Variants in UBP1 observed in about 807,000 individuals in gnomAD.
The protein encoded by UBP1 is upstream-binding protein 1.
A neutral mutation model predicts 76.1 loss-of-function variants in UBP1; 22 were observed. The ratio of observed to expected loss-of-function variants is 0.29; its 90% confidence interval spans 0.21 to 0.41. The LOEUF is 0.41. Among genes scored for constraint, UBP1 ranks in the 10% least tolerant of loss-of-function variants. The pLI, the probability that UBP1 is intolerant of heterozygous loss-of-function variation, is 1.00. For missense variants in UBP1, 436 were observed against 668.1 expected (o/e 0.65, Z 3.83); for synonymous variants, 224 against 237.1 (o/e 0.94, Z 0.51).
In UBP1 at chr3:33,400,123, T is replaced by G. The variant is rs2044165566; in HGVS notation, c.1180+66A>C. 6.3e-6 allele frequency: 7 copies of G among 1,103,246 alleles called. No individual in the cohort carries two copies. In the East Asian group the frequency reaches 1.8e-4, roughly 28 times the overall value. 68.3% of individuals were successfully genotyped at this position (1,103,246 alleles called of 1,614,324 possible). Reference sequence around the variant, plus strand: ...ATTTCAAAATTTTAAAAATATAAAGTTAATAAAAGCACAGAAACAAAAACA... The same window carrying G: ...ATTTCAAAATTTTAAAAATATAAAGGTAATAAAAGCACAGAAACAAAAACA... On this transcript the variant is annotated intron_variant, in intron 11 of 15. Transcript: ENST00000283629.
chr3:33,424,607 CA>C (rs1559689671), intron 2 of UBP1, among the ~76,000 whole-genome samples: 1 of 152,122 alleles, frequency 6.6e-6, no homozygotes, highest in African/African-American at 2.4e-5. Context: ...TAAAAATGTT[CA>C]AAAAATTGTT....
At chr3:33,407,272 G>T (rs1265449271) in intron 8 of UBP1, among the ~76,000 whole-genome samples, 1 of 152,110 alleles carries the variant, frequency 6.6e-6, no homozygotes, top group Non-Finnish European at 1.5e-5. Context: ...GAATCATTAA[G>T]AATTTACCAA....
In UBP1 at chr3:33,440,056, G is replaced by A. The variant is rs1480123732; in HGVS notation, c.-208C>T. ...GCGAGCAATTGCAGCGGGAGCGGCC[G>A]GGCCGCCGGCAGCGCCACCCTCCCG... On this transcript the variant is annotated 5_prime_UTR_variant, in exon 1 of 16. Transcript: ENST00000283629. The A allele has an allele frequency of 2.9e-5, 14 of 483,966 alleles. No homozygotes were observed. The highest frequency in any genetic ancestry group is 4.4e-5 in the Admixed American group (1 of 22,504). The allele number at this position is 483,966 out of a possible 1,614,324, so 30.0% of individuals were successfully genotyped here. A position where few individuals can be genotyped will look rare whatever the true frequency, so the allele number is the denominator to read the frequency against.
At chr3:33,425,341 T>C (rs1257899026) in intron 2 of UBP1, among the ~76,000 whole-genome samples, 2 of 152,196 alleles carry the variant, frequency 1.3e-5, no homozygotes, top group Non-Finnish European at 2.9e-5. Flanking sequence ...TACTTGCTAG[T>C]CCTTTGGATT....
chr3:33,425,641 T>G lies in UBP1; in HGVS notation c.214A>C (p.Thr72Pro), dbSNP rs765755048. 1.3e-6 allele frequency: 2 copies of G among 1,599,876 alleles called. No homozygotes were observed. The highest frequency in any genetic ancestry group is 1.7e-6 in the Non-Finnish European group (2 of 1,169,172). ...TCATGCAGTTTTACTGCTGGTGACG[T>G]TGCAGCACACATCACATACTGAAAG... Reference protein sequence around the residue: ...PPFQYVMCAATSPAVKLHDET... With the variant: ...PPFQYVMCAAPSPAVKLHDET... Residue 72 changes from threonine to proline, a missense_variant, in exon 2 of 16, where the codon ACG becomes CCG. Physicochemically the swap from Thr to Pro is conservative, Grantham distance 38 (BLOSUM62 -1). Around this residue, in one of 3 missense-constraint regions of UBP1, gnomAD observed 161 missense variants for 237.9 expected, o/e 0.68. Transcript: ENST00000283629.
chr3:33,431,653 T>C lies in UBP1; in HGVS notation c.114-5912A>G, dbSNP rs575653208. 3.9e-5 allele frequency among the ~76,000 whole-genome samples: 6 copies of C among 151,918 alleles called. No individual in the cohort carries two copies. In the East Asian group the frequency reaches 7.7e-4, roughly 20 times the overall value. On this transcript the variant is annotated intron_variant, in intron 1 of 15. Transcript: ENST00000283629. ...TACTCAGGAGGCTGAAGCAGGAGAA[T>C]TGCTTGAATCTGGAAGGCAGAGGTT...
chr3:33,395,199 C>A (rs2043926897), intron 13 of UBP1, among the ~76,000 whole-genome samples: 1 of 152,062 alleles, frequency 6.6e-6, no homozygotes, highest in East Asian at 1.9e-4. Context: ...CAAAATAATA[C>A]CAAATAGAAA....
In UBP1 at chr3:33,399,217, CCATGTTACTAGGTGGT is replaced by C. The variant is rs1035781301; in HGVS notation, c.1180+956_1180+971del. On this transcript the variant is annotated intron_variant, in intron 11 of 15. Transcript: ENST00000283629. The stretch of plus-strand genomic sequence containing the variant: ...GCACTTCTCAGGATGTTTGGCCAGG[CCATGTTACTAGGTGGT>C]CATGTTGGAAAAGAGTCCCAGAGCC... 1.2e-4 allele frequency among the ~76,000 whole-genome samples: 19 copies of C among 152,280 alleles called. 1 individual carries two copies. The highest frequency in any genetic ancestry group is 1.1e-3 in the Admixed American group (17 of 15,292).
Position 33,398,438 on chromosome 3 carries a change from AC to A in UBP1, c.1181-1304del, listed in dbSNP as rs2044092391. On this transcript the variant is annotated intron_variant, in intron 11 of 15. Coordinates refer to ENST00000283629, the MANE Select transcript of UBP1 (RefSeq NM_014517.5). Reference sequence around the variant, plus strand: ...TTACTACATGCACCTCACAGTTGTGACCAGAGAGTACTGTGTATGTGTGTGC... The same window carrying A: ...TTACTACATGCACCTCACAGTTGTGACAGAGAGTACTGTGTATGTGTGTGC... 2.6e-5 allele frequency: 4 copies of A among 152,338 alleles called. No individual in the cohort carries two copies. The South Asian group carries it at 8.3e-4, about 32-fold the overall frequency. 9.4% of individuals were successfully genotyped at this position (152,338 alleles called of 1,614,324 possible). A position where few individuals can be genotyped will look rare whatever the true frequency, so the allele number is the denominator to read the frequency against.
chr3:33,409,618 G>A lies in UBP1; in HGVS notation c.556-17C>T. On this transcript the variant is annotated splice_polypyrimidine_tract_variant and intron_variant, in intron 5 of 15. Coordinates refer to ENST00000283629, the MANE Select transcript of UBP1 (RefSeq NM_014517.5). ...GCAGTGTACCTATAAAACGATTCAG[G>A]CTGAAATGGATTCAAAGAACTTCCA... The A allele has an allele frequency of 1.2e-6, 2 of 1,613,948 alleles. No homozygotes were observed. The highest frequency in any genetic ancestry group is 1.7e-6 in the Non-Finnish European group (2 of 1,179,922).
At chr3:33,392,805 A>AT in intron 14 of UBP1, 191 bp from the exon 15 acceptor site, 1 of 536,382 alleles carries the variant, frequency 1.9e-6, no homozygotes, top group Non-Finnish European at 3.2e-6. Context: ...ATGCCTGTCC[A>AT]TAATGGTCCC....
chr3:33,438,025 G>A (rs2045229927), intron 1 of UBP1, among the ~76,000 whole-genome samples: 1 of 151,994 alleles, frequency 6.6e-6, no homozygotes, highest in Non-Finnish European at 1.5e-5. Context: ...AAGAATTCAA[G>A]GGAAAATTAT....
At chr3:33,403,422 C>A (rs959761813) in intron 8 of UBP1, 2 of 174,804 alleles carry the variant, frequency 1.1e-5, no homozygotes, top group Non-Finnish European at 2.4e-5. Context: ...GGTTAATAAT[C>A]CTCAAGACAG....
At position 33,425,671 on chromosome 3, in the gene UBP1, G is replaced by A; in HGVS notation, c.184C>T (p.Pro62Ser). 1 of 1,603,446 alleles carries A rather than the reference G, an allele frequency of 6.2e-7. No individual in the cohort carries two copies. Among genetic ancestry groups the A allele is most frequent in the East Asian group, 2.2e-5 (1 of 44,770 alleles). The change falls in exon 2 of 16, where the codon CCA becomes TCA. Residue 62 changes from proline (P) to serine (S), a missense_variant. Physicochemically the swap from Pro to Ser is moderately conservative, Grantham distance 74. This residue lies in a region of UBP1 where 161 missense variants were observed against 237.9 expected (regional missense o/e 0.68). Transcript: ENST00000283629. ...GCACACATCACATACTGAAAGGGTG[G>A]GTGCTCTGTTTCACCATCCAATGGA... Reference protein sequence around the residue: ...SLPLDGETEHPPFQYVMCAAT... With the variant: ...SLPLDGETEHSPFQYVMCAAT...
intron 2 of UBP1, among the ~76,000 whole-genome samples, chr3:33,423,167 G>A (rs1229740082): frequency 6.6e-6 from 1 of 151,844 alleles, no homozygotes; most frequent in African/African-American, 2.4e-5. Context: ...GGCCTCCTGA[G>A]TAGCTGGGAC....
intron 1 of UBP1, among the ~76,000 whole-genome samples, chr3:33,435,676 T>A (rs887538285): frequency 2.0e-5 from 3 of 152,162 alleles, no homozygotes; most frequent in Non-Finnish European, 4.4e-5. Context: ...CTGAACATCA[T>A]AGCTTACCTA....
chr3:33,419,780 A>G (rs535375362), intron 2 of UBP1, among the ~76,000 whole-genome samples: 2 of 152,294 alleles, frequency 1.3e-5, no homozygotes, highest in Admixed American at 6.5e-5. Flanking sequence ...TTTGTCCCCA[A>G]TCCATAATTT....
chr3:33,411,497 G>C, intron 5 of UBP1, 84 bp downstream of exon 5: 1 of 1,155,334 alleles, frequency 8.7e-7, no homozygotes, highest in Non-Finnish European at 1.3e-6. Flanking sequence ...ACATTTAAAG[G>C]AAATGATACT....
intron 2 of UBP1, among the ~76,000 whole-genome samples, chr3:33,424,506 T>C (rs995332684): frequency 6.6e-6 from 1 of 152,230 alleles, no homozygotes; most frequent in Non-Finnish European, 1.5e-5. Flanking sequence ...AAAATGTATA[T>C]ACATTCAAGA....
Sources: gnomAD v4.1 joint callset for allele counts (sites outside exome capture counted in the v4.1 genomes callset) on GRCh38, gnomAD v4.1.1 for gene constraint, gnomAD v4.1.1 regional missense constraint, MANE v1.5 for transcripts, NCBI Gene and HGNC (gene_info 2026-07-23, HGNC 2026-07-21) for gene names.